Variants in KCNK17 observed in about 807,000 individuals in gnomAD.
KCNK17 encodes potassium two pore domain channel subfamily K member 17, also known as potassium channel subfamily K member 17.
Under a neutral mutation model 24.6 loss-of-function variants are expected in KCNK17, and 27 were observed. The observed-to-expected ratio is 1.10, with a 90% confidence interval of 0.81 to 1.51. The LOEUF (loss-of-function observed/expected upper bound fraction) is 1.51, where lower values mean the gene tolerates loss of function less well. Among genes scored for constraint, KCNK17 ranks in the 40% most tolerant of loss-of-function variants. The probability of loss-of-function intolerance (pLI) is 0.00; values close to 1 mark genes in which losing one functional copy is unlikely to be tolerated. For missense variants in KCNK17, 450 were observed against 436.6 expected, an observed-to-expected ratio of 1.03 and a Z score of -0.27; for synonymous variants, 181 against 189.8, an observed-to-expected ratio of 0.95 and a Z score of 0.38.
Position 39,299,707 on chromosome 6 carries a change from C to CTGTGGGT in KCNK17, c.718_719insACCCACA (p.Trp240TyrfsTer45). ...CCACAGGGACACCATGTTCTTGTACCACAGTGGGTACCTCTGGGAGGGGTT... is the reference window on the plus strand; with the variant it reads ...CCACAGGGACACCATGTTCTTGTACCTGTGGGTACAGTGGGTACCTCTGGGAGGGGTT... On this transcript the variant is annotated frameshift_variant, in exon 5 of 5. Coordinates refer to ENST00000373231, the MANE Select transcript of KCNK17 (RefSeq NM_031460.4). LOFTEE classifies it low-confidence loss of function (END_TRUNC). The CTGTGGGT allele has an allele frequency of 1.9e-6, 3 of 1,614,126 alleles. No homozygotes were observed. The highest frequency in any genetic ancestry group is 2.5e-6 in the Non-Finnish European group (3 of 1,180,018).
intron 1 of KCNK17, among the ~76,000 whole-genome samples, chr6:39,312,727 C>G (rs1762163479): frequency 6.6e-6 from 1 of 152,216 alleles, no homozygotes; most frequent in Non-Finnish European, 1.5e-5. Context: ...TTATAATCAC[C>G]ATCATAGCCA....
intron 1 of KCNK17, among the ~76,000 whole-genome samples, chr6:39,312,241 G>T (rs1762152914): frequency 6.6e-6 from 1 of 152,202 alleles, no homozygotes; most frequent in African/African-American, 2.4e-5. Flanking sequence ...GGGAGGAGGA[G>T]GACCACTTGC....
intron 2 of KCNK17, among the ~76,000 whole-genome samples, chr6:39,307,546 C>T (rs749648973): frequency 2.0e-5 from 3 of 152,222 alleles, no homozygotes; most frequent in Non-Finnish European, 4.4e-5. Flanking sequence ...TTTTCACCAG[C>T]GGGATGGGGA....
chr6:39,299,336 GA>G lies in KCNK17; in HGVS notation c.*90del, dbSNP rs539209213. 1.1e-4 allele frequency: 112 copies of G among 997,946 alleles called. No homozygotes were observed. In the African/African-American group the frequency reaches 1.7e-3, roughly 15 times the overall value. The allele number at this position is 997,946 out of a possible 1,614,324, so 61.8% of individuals were successfully genotyped here. On this transcript the variant is annotated 3_prime_UTR_variant, in exon 5 of 5. Transcript: ENST00000373231. ...CTGCACCCAGCCTCTAGGGTGGATG[GA>G]AAATGTAGTCTTTAGTTTGGGTGGA...
At chr6:39,300,410 C>T (rs1416206619) in intron 4 of KCNK17, 9 of 1,366,772 alleles carry the variant, frequency 6.6e-6, no homozygotes, top group African/African-American at 1.4e-5. Context: ...AGGTGTGAGC[C>T]ACCGTGCCCG....
chr6:39,300,076 C>T (rs570600301), intron 4 of KCNK17, among the ~76,000 whole-genome samples: 1 of 152,242 alleles, frequency 6.6e-6, no homozygotes, highest in Admixed American at 6.5e-5. Context: ...CTACCCCAGA[C>T]CTACTGGATC....
chr6:39,305,124 T>C (rs1762013955), intron 2 of KCNK17, among the ~76,000 whole-genome samples: 1 of 152,208 alleles, frequency 6.6e-6, no homozygotes, highest in Non-Finnish European at 1.5e-5. Flanking sequence ...AGTGGGGCAC[T>C]GAAGCTGGCC....
intron 1 of KCNK17, among the ~76,000 whole-genome samples, chr6:39,313,846 C>T (rs77258518): frequency 0.027 from 4,175 of 152,282 alleles, 192 homozygotes; most frequent in African/African-American, 0.095. Flanking sequence ...TAGGACTCAG[C>T]CCGGCTTCTC....
At chr6:39,308,793 A>G (rs1762079708) in intron 2 of KCNK17, among the ~76,000 whole-genome samples, 1 of 152,200 alleles carries the variant, frequency 6.6e-6, no homozygotes, top group Admixed American at 6.5e-5. Context: ...CCCTCTGCTG[A>G]GCCTCTCAGA....
rs113315405 is a variant in KCNK17, at chr6:39,303,981, C to T, written c.664G>A (p.Val222Met). 9.7e-5 allele frequency: 157 copies of T among 1,613,374 alleles called. 1 individual carries two copies. The highest frequency in any genetic ancestry group is 6.6e-4 in the Middle Eastern group (4 of 6,058). The change falls in exon 4 of 5, where the codon GTG becomes ATG. Residue 222 changes from valine (V) to methionine (M), a missense_variant. Coordinates refer to ENST00000373231, the MANE Select transcript of KCNK17 (RefSeq NM_031460.4). ...CCAATCACGTAGTCGCCGAAGCCCA[C>T]GGTGCTGAGGGTGATGAAGGCGAAG... ...FYFAFITLST[V>M]GFGDYVIGMN...
chr6:39,302,371 AG>A (rs1172433446), intron 4 of KCNK17, among the ~76,000 whole-genome samples: 5 of 151,758 alleles, frequency 3.3e-5, no homozygotes. Flanking sequence ...TATTGGTAGG[AG>A]GGGGGTTACA....
chr6:39,301,712 G>T (rs74546433), intron 4 of KCNK17, among the ~76,000 whole-genome samples: 1 of 152,372 alleles, frequency 6.6e-6, no homozygotes, highest in African/African-American at 2.4e-5. Flanking sequence ...ATTGGGAGGC[G>T]CCAGGCTATG....
At chr6:39,302,437 C>T (rs9471057) in intron 4 of KCNK17, among the ~76,000 whole-genome samples, 2,044 of 152,254 alleles carry the variant, frequency 0.013, 38 homozygotes, top group Admixed American at 0.04. Context: ...TTCAGAGGAG[C>T]TGGGCAGGTG....
intron 4 of KCNK17, chr6:39,300,439 AAC>A (rs1417591813): frequency 6.6e-7 from 1 of 1,519,684 alleles, no homozygotes; most frequent in African/African-American, 1.4e-5. Context: ...TCTGTATTTT[AAC>A]AAGCCCCCAG....
chr6:39,300,787 T>G (rs754647161), intron 4 of KCNK17, among the ~76,000 whole-genome samples: 5 of 152,174 alleles, frequency 3.3e-5, no homozygotes, highest in Admixed American at 6.5e-5. Context: ...TTTGTACTTA[T>G]GGCCTCTCGG....
intron 4 of KCNK17, 76 bp downstream of exon 4, chr6:39,303,881 C>T: frequency 6.6e-7 from 1 of 1,515,022 alleles, no homozygotes; most frequent in Non-Finnish European, 9.0e-7. Context: ...AGCAGGTGCG[C>T]CAGCTGCGGG....
intron 1 of KCNK17, among the ~76,000 whole-genome samples, chr6:39,311,874 A>G (rs2113841633): frequency 6.6e-6 from 1 of 152,304 alleles, no homozygotes; most frequent in South Asian, 2.1e-4. Flanking sequence ...GGAGACTGGT[A>G]AGAAGTGATT....
rs143564858 is a variant in KCNK17, at chr6:39,299,363, C to G, written c.*64G>C. ...AAATGTAGTCTTTAGTTTGGGTGGA[C>G]ATGTGCAAAGCTTAAAATCAGGGGT... On this transcript the variant is annotated 3_prime_UTR_variant, in exon 5 of 5. Coordinates refer to ENST00000373231, the MANE Select transcript of KCNK17 (RefSeq NM_031460.4). 7.0e-3 allele frequency: 8,923 copies of G among 1,274,348 alleles called. 44 individuals are homozygous for G. Among genetic ancestry groups the G allele is most frequent in the Middle Eastern group, 0.02 (108 of 5,300 alleles). 78.9% of individuals were successfully genotyped at this position (1,274,348 alleles called of 1,614,324 possible). A position where few individuals can be genotyped will look rare whatever the true frequency, so the allele number is the denominator to read the frequency against.
chr6:39,302,502 G>A (rs2113834791), intron 4 of KCNK17, among the ~76,000 whole-genome samples: 1 of 152,318 alleles, frequency 6.6e-6, no homozygotes, highest in South Asian at 2.1e-4. Flanking sequence ...GGGACAAGGA[G>A]AGAAGCTGCA....
Sources: gnomAD v4.1 joint callset for allele counts (sites outside exome capture counted in the v4.1 genomes callset) on GRCh38, gnomAD v4.1.1 for gene constraint, MANE v1.5 for transcripts, NCBI Gene and HGNC (gene_info 2026-07-23, HGNC 2026-07-21) for gene names.